The following QDPR variants were observed in gnomAD, a reference collection of about 807,000 sequenced individuals.
The protein encoded by QDPR is quinoid dihydropteridine reductase, also known as dihydropteridine reductase.
In QDPR, 23 loss-of-function variants were observed where a neutral mutation model predicts 31.7. The ratio of observed to expected loss-of-function variants is 0.73; its 90% CI spans 0.52 to 1.03. The LOEUF (loss-of-function observed/expected upper bound fraction) is 1.03. Among genes scored for constraint, QDPR ranks in the 50% least tolerant of loss-of-function variants. The pLI is 0.00. For missense variants in QDPR, 324 were observed against 323.8 expected, an observed-to-expected ratio of 1.00 and a Z score of 0.00; for synonymous variants, 124 against 124.7, an observed-to-expected ratio of 0.99 and a Z score of 0.03.
At position 17,501,775 on chromosome 4, in the gene QDPR, T is replaced by C. The variant is rs369908728; in HGVS notation, c.380A>G (p.Lys127Arg). ...AGCCAAGGTCAGGAGGCCTCCTTCC[T>C]TGAGATGCTTGGTAGCCAGATGGCT... ...ISSHLATKHL[K>R]EGGLLTLAGA... is the part of the protein sequence containing the mutation. The change falls in exon 4 of 7, where the codon AAG (lysine) becomes AGG (arginine). Residue 127 changes from lysine (K) to arginine (R), a missense_variant. Coordinates refer to ENST00000281243, the MANE Select transcript of QDPR (RefSeq NM_000320.3). 23 of 1,614,072 alleles carry C rather than the reference T, an allele frequency of 1.4e-5. No individual in the cohort carries two copies. The highest frequency in any genetic ancestry group is 1.9e-5 in the Non-Finnish European group (23 of 1,180,036).
At chr4:17,501,013 G>A (rs1718543690) in intron 4 of QDPR, among the ~76,000 whole-genome samples, 1 of 152,176 alleles carries the variant, frequency 6.6e-6, no homozygotes, top group Non-Finnish European at 1.5e-5. Context: ...TGCCTACCAT[G>A]TGCACTTTCT....
intron 4 of QDPR, among the ~76,000 whole-genome samples, chr4:17,498,834 CTTCT>C (rs72437921): frequency 0.037 from 5,641 of 152,282 alleles, 362 homozygotes; most frequent in African/African-American, 0.13. Flanking sequence ...GCAAACAAAT[CTTCT>C]TGAGTTTGAG....
rs1717980127 is a variant in QDPR at position 17,486,966 on chromosome 4, A to G, written c.*165T>C. The stretch of plus-strand genomic sequence containing the variant: ...GCATGTCTTTACTTCACATAAATGT[A>G]TTACACTGTCCTAGGAGAGCAAATG... On this transcript the variant is annotated 3_prime_UTR_variant, in exon 7 of 7. Coordinates refer to ENST00000281243, the MANE Select transcript of QDPR (RefSeq NM_000320.3). The G allele has an allele frequency of 6.0e-6, 4 of 667,326 alleles. No homozygotes were observed. In the East Asian group the frequency reaches 1.1e-4, roughly 18 times the overall value. The allele number at this position is 667,326 out of a possible 1,614,324, so 41.3% of individuals were successfully genotyped here.
At position 17,511,896 on chromosome 4, in the gene QDPR, G is replaced by A. The variant is rs1719024787; in HGVS notation, c.105+54C>T. 10 of 1,565,368 alleles carry A rather than the reference G, an allele frequency of 6.4e-6. No individual in the cohort carries two copies. In the South Asian group the frequency reaches 6.9e-5, roughly 11 times the overall value. Reference sequence around the variant, plus strand: ...GACTGCCCCCCGCCGGGTTCCACACGAAAGCCCCCGGCCACCCCCGCGGAG... The same window carrying A: ...GACTGCCCCCCGCCGGGTTCCACACAAAAGCCCCCGGCCACCCCCGCGGAG... On this transcript the variant is annotated intron_variant, in intron 1 of 6. Coordinates refer to ENST00000281243, the MANE Select transcript of QDPR (RefSeq NM_000320.3).
chr4:17,495,901 C>G (rs574537637), intron 4 of QDPR, among the ~76,000 whole-genome samples: 1 of 151,734 alleles, frequency 6.6e-6, no homozygotes, highest in Non-Finnish European at 1.5e-5. Flanking sequence ...CTCAGCTACC[C>G]GGTAGGCTGA....
At chr4:17,492,436 C>G (rs1056579189) in intron 4 of QDPR, 96 bp from the exon 5 acceptor site, 3 of 973,418 alleles carry the variant, frequency 3.1e-6, no homozygotes, top group Non-Finnish European at 4.8e-6. Context: ...TCCCTAAAAA[C>G]TTTATAAATA....
At chr4:17,509,848 C>G in intron 1 of QDPR, 1 of 421,686 alleles carries the variant, frequency 2.4e-6, no homozygotes, top group Non-Finnish European at 4.8e-6. Flanking sequence ...ACTCCGCCTC[C>G]ACATTCACCT....
At chr4:17,511,455 C>T (rs547449677) in intron 1 of QDPR, among the ~76,000 whole-genome samples, 70 of 152,322 alleles carry the variant, frequency 4.6e-4, no homozygotes, top group South Asian at 8.3e-4. Context: ...TACCAGGCGT[C>T]AGGTAATTTA....
In QDPR at chr4:17,504,451, AG is replaced by A; in HGVS notation, c.222del (p.Leu75TrpfsTer32). On this transcript the variant is annotated frameshift_variant, in exon 3 of 7. Coordinates refer to ENST00000281243, the MANE Select transcript of QDPR (RefSeq NM_000320.3). LOFTEE classifies it high-confidence loss of function. ...ADQVTAEVGK[L>X]LGEEKVDAIL... Reference sequence around the variant, plus strand: ...ATTGCATCCACCTTCTCTTCACCCAAGAGCTTTCCAACCTCAGCAGTCACCT... The same window carrying A: ...ATTGCATCCACCTTCTCTTCACCCAAAGCTTTCCAACCTCAGCAGTCACCT... The A allele has an allele frequency of 6.2e-7, 1 of 1,614,220 alleles. No homozygotes were observed. The highest frequency in any genetic ancestry group is 2.2e-5 in the East Asian group (1 of 44,884).
Position 17,497,183 on chromosome 4 carries a change from C to T in QDPR, c.436+4536G>A, listed in dbSNP as rs143491585. On this transcript the variant is annotated intron_variant, in intron 4 of 6. Transcript: ENST00000281243. ...TGGGAGGGAGTGCCATAGAGATCAG[C>T]GGTGTGAGTAGGAGAGAGTCTTCCT... Among the ~76,000 whole-genome samples the T allele has an allele frequency of 1.9e-3, 288 of 152,240 alleles. 1 individual carries two copies. Among genetic ancestry groups the T allele is most frequent in the African/African-American group, 5.8e-3 (242 of 41,532 alleles).
intron 6 of QDPR, among the ~76,000 whole-genome samples, chr4:17,488,715 C>T (rs1718055735): frequency 6.6e-6 from 1 of 152,248 alleles, no homozygotes; most frequent in African/African-American, 2.4e-5. Flanking sequence ...AAGTGCTCAG[C>T]ATTTCCTTCC....
intron 6 of QDPR, 172 bp downstream of exon 6, chr4:17,490,490 C>T (rs950995260): frequency 1.6e-6 from 1 of 627,790 alleles, no homozygotes; most frequent in African/African-American, 1.8e-5. Flanking sequence ...GTCTCCAAGT[C>T]CAGCTACTCT....
Position 17,504,389 on chromosome 4 carries a change from G to A in QDPR, c.285C>T (p.Ala95=). The change falls in exon 3 of 7, where the codon GCC becomes GCT. Residue 95 remains alanine, a synonymous_variant. Coordinates refer to ENST00000281243, the MANE Select transcript of QDPR (RefSeq NM_000320.3). Reference sequence around the variant, plus strand: ...CAGGAAAGGACTCACACTTGGATTTGGCATTGCCCCCGGCCCATCCTCCAG... The same window carrying A: ...CAGGAAAGGACTCACACTTGGATTTAGCATTGCCCCCGGCCCATCCTCCAG... ...CVAGGWAGGN[A]KSKSLFKNCD... 1 of 1,613,636 alleles carries A rather than the reference G, an allele frequency of 6.2e-7. No homozygotes were observed. Among genetic ancestry groups the A allele is most frequent in the Non-Finnish European group, 8.5e-7 (1 of 1,179,578 alleles).
Position 17,487,055 on chromosome 4 carries a change from A to G in QDPR, c.*76T>C. The G allele has an allele frequency of 8.5e-7, 1 of 1,181,910 alleles. No individual in the cohort carries two copies. Among genetic ancestry groups the G allele is most frequent in the Non-Finnish European group, 1.3e-6 (1 of 788,312 alleles). 73.2% of individuals were successfully genotyped at this position (1,181,910 alleles called of 1,614,324 possible). A position where few individuals can be genotyped will look rare whatever the true frequency, so the allele number is the denominator to read the frequency against. ...ACCACAAACAGGGGTTACAGAAAAC[A>G]CAAGGCTGGACAAGGCCACACTGAG... On this transcript the variant is annotated 3_prime_UTR_variant, in exon 7 of 7. Transcript: ENST00000281243.
chr4:17,490,720 T>C lies in QDPR; in HGVS notation c.571A>G (p.Arg191Gly). 1 of 1,614,070 alleles carries C rather than the reference T, an allele frequency of 6.2e-7. No homozygotes were observed. Among genetic ancestry groups the C allele is most frequent in the Non-Finnish European group, 8.5e-7 (1 of 1,179,946 alleles). The change falls in exon 6 of 7, where the codon AGG (arginine) becomes GGG (glycine). Residue 191 changes from arginine to glycine, a missense_variant. By Grantham distance (125) the Arg-to-Gly change is moderately radical (BLOSUM62 -2). Transcript: ENST00000281243. ...AAGTCAGCCTCAGGCATTGATTTCC[T>C]GTTCATCGGGGTATCCAGGGTAACC... ...LPVTLDTPMN[R>G]KSMPEADFSS...
chr4:17,508,856 C>CT (rs1358444931), intron 2 of QDPR, among the ~76,000 whole-genome samples: 3 of 151,994 alleles, frequency 2.0e-5, no homozygotes, highest in Non-Finnish European at 4.4e-5. Context: ...GAAACAACAG[C>CT]TTTAAAAAAA....
chr4:17,507,906 G>T (rs567322696), intron 2 of QDPR, among the ~76,000 whole-genome samples: 15 of 152,004 alleles, frequency 9.9e-5, no homozygotes, highest in Non-Finnish European at 1.6e-4. Flanking sequence ...CCAGCCTAGA[G>T]CATCTAAGAT....
chr4:17,504,086 A>G (rs912008384), intron 3 of QDPR, among the ~76,000 whole-genome samples: 1 of 152,164 alleles, frequency 6.6e-6, no homozygotes, highest in African/African-American at 2.4e-5. Flanking sequence ...CTTCCTACAC[A>G]TCCTCCAATG....
In QDPR at chr4:17,512,028, C is replaced by A; in HGVS notation, c.27G>T (p.Glu9Asp). 1.2e-6 allele frequency: 2 copies of A among 1,605,540 alleles called. No individual in the cohort carries two copies. The highest frequency in any genetic ancestry group is 1.7e-6 in the Non-Finnish European group (2 of 1,177,056). Residue 9 changes from glutamate (E) to aspartate (D), a missense_variant, in exon 1 of 7, where the codon GAG becomes GAT. By Grantham distance (45) the Glu-to-Asp change is conservative (BLOSUM62 2). Coordinates refer to ENST00000281243, the MANE Select transcript of QDPR (RefSeq NM_000320.3). MAAAAAAG[E>D]ARRVLVYGGR... ...CGCCGTACACCAGCACCCGGCGCGC[C>A]TCGCCTGCAGCCGCCGCCGCCGCCA... is the stretch of plus-strand genomic sequence containing the variant.
Sources: allele counts gnomAD v4.1 joint callset (sites outside exome capture counted in the v4.1 genomes callset), GRCh38; gene constraint gnomAD v4.1.1; transcripts MANE v1.5; gene names NCBI Gene and HGNC (gene_info 2026-07-23, HGNC 2026-07-21).